ATRNL1: variants seen among roughly 807,000 people sequenced by gnomAD.
The protein encoded by ATRNL1 is attractin-like protein 1.
A neutral mutation model predicts 182.7 loss-of-function variants in ATRNL1; 95 were observed. The observed-to-expected ratio is 0.52, with a 90% CI of 0.44 to 0.62. The LOEUF (loss-of-function observed/expected upper bound fraction) is 0.62, where lower values mean the gene tolerates loss of function less well. Among genes scored for constraint, ATRNL1 ranks in the 20% least tolerant of loss-of-function variants. The probability of loss-of-function intolerance (pLI) is 0.00; values close to 1 mark genes in which losing one functional copy is unlikely to be tolerated. For synonymous variants in ATRNL1, 576 were observed against 568.3 expected, an observed-to-expected ratio of 1.01 and a Z score of -0.19; for missense variants, 1,471 against 1,679.5, an observed-to-expected ratio of 0.88 and a Z score of 2.17.
chr10:115,327,721 G>A (rs535771738), intron 18 of ATRNL1, among the ~76,000 whole-genome samples: 53 of 151,314 alleles, frequency 3.5e-4, no homozygotes, highest in African/African-American at 1.2e-3. Flanking sequence ...ATTAAGAAAT[G>A]TGGCACATAT....
At position 115,447,166 on chromosome 10, in the gene ATRNL1, G is replaced by GTATATA. The variant is rs553489981; in HGVS notation, c.3323-14772_3323-14767dup. 1.6e-4 allele frequency among the ~76,000 whole-genome samples: 24 copies of GTATATA among 151,602 alleles called. 1 individual carries two copies. In the South Asian group the frequency reaches 5.0e-3, roughly 31 times the overall value. On this transcript the variant is annotated intron_variant, in intron 21 of 28. Transcript: ENST00000355044. ...AATTTAAAATGTGTTAAAAAGTATAGTATATATACTTCTATTCATGTAGTA... is the reference window on the plus strand; with the variant it reads ...AATTTAAAATGTGTTAAAAAGTATAGTATATATATATATACTTCTATTCATGTAGTA...
chr10:115,401,154 T>C (rs1265072795), intron 20 of ATRNL1, among the ~76,000 whole-genome samples: 2 of 152,054 alleles, frequency 1.3e-5, no homozygotes, highest in Non-Finnish European at 2.9e-5. Flanking sequence ...TGGGGAGTGC[T>C]ACTGGCATAA....
intron 27 of ATRNL1, among the ~76,000 whole-genome samples, chr10:115,804,490 G>A (rs537336045): frequency 5.9e-5 from 9 of 152,104 alleles, no homozygotes; most frequent in Non-Finnish European, 1.3e-4. Flanking sequence ...CCACGTGAGG[G>A]TACAATGAGA....
At chr10:115,304,665 C>T (rs999002303) in intron 17 of ATRNL1, among the ~76,000 whole-genome samples, 4 of 152,124 alleles carry the variant, frequency 2.6e-5, no homozygotes, top group African/African-American at 9.7e-5. Flanking sequence ...TTTGACCAGG[C>T]TTTCATTCAG....
At position 115,864,521 on chromosome 10, in the gene ATRNL1, T is replaced by C. The variant is rs148636769; in HGVS notation, c.4018+16530T>C. Among the ~76,000 whole-genome samples, 59 of 152,266 alleles carry C rather than the reference T, an allele frequency of 3.9e-4. No homozygotes were observed. The East Asian group carries it at 0.011, about 29-fold the overall frequency. On this transcript the variant is annotated intron_variant, in intron 28 of 28. Transcript: ENST00000355044. ...TTATTGATTACAAAGGGGAAAGCAG[T>C]AAATTTGTAATAAAGAACCCTAGCA...
At chr10:115,645,464 A>G (rs1859545004) in intron 26 of ATRNL1, among the ~76,000 whole-genome samples, 1 of 147,560 alleles carries the variant, frequency 6.8e-6, no homozygotes, top group African/African-American at 2.5e-5. Context: ...ATATCTATAT[A>G]ATATATTTAT....
intron 27 of ATRNL1, among the ~76,000 whole-genome samples, chr10:115,739,693 G>A (rs1948081981): frequency 6.6e-6 from 1 of 152,124 alleles, no homozygotes; most frequent in South Asian, 2.1e-4. Context: ...CTCAGTAACA[G>A]CAATCAGCTA....
intron 26 of ATRNL1, among the ~76,000 whole-genome samples, chr10:115,552,673 T>C (rs1425580885): frequency 6.6e-6 from 1 of 151,314 alleles, no homozygotes; most frequent in Non-Finnish European, 1.5e-5. Context: ...AGAGGATAGT[T>C]AGTCATGTTA....
At chr10:115,269,746 G>C (rs1200386192) in intron 13 of ATRNL1, among the ~76,000 whole-genome samples, 1 of 151,962 alleles carries the variant, frequency 6.6e-6, no homozygotes, top group Non-Finnish European at 1.5e-5. Context: ...ATTACTGAAA[G>C]TATCTACTTG....
intron 28 of ATRNL1, among the ~76,000 whole-genome samples, chr10:115,894,459 T>A (rs947700525): frequency 1.8e-4 from 28 of 152,150 alleles, no homozygotes; most frequent in African/African-American, 4.8e-4. Context: ...AAGAGAATTT[T>A]TTTTTCTCTA....
At chr10:115,441,173 T>C (rs1270224656) in intron 21 of ATRNL1, among the ~76,000 whole-genome samples, 2 of 151,920 alleles carry the variant, frequency 1.3e-5, no homozygotes, top group African/African-American at 4.8e-5. Flanking sequence ...CATTTCTGCT[T>C]TATCAACAGT....
At chr10:115,269,179 CAT>C (rs1341947793) in intron 13 of ATRNL1, among the ~76,000 whole-genome samples, 48 of 151,850 alleles carry the variant, frequency 3.2e-4, no homozygotes, top group African/African-American at 8.0e-4. Context: ...AATAAAAAAA[CAT>C]AAAATATTTA....
chr10:115,474,846 T>G (rs1565082324), intron 24 of ATRNL1, among the ~76,000 whole-genome samples: 1 of 151,432 alleles, frequency 6.6e-6, no homozygotes, highest in Admixed American at 6.6e-5. Flanking sequence ...TACCCTGCTA[T>G]CAAAGTATGG....
At chr10:115,177,766 C>A (rs566224657) in intron 8 of ATRNL1, among the ~76,000 whole-genome samples, 24 of 151,460 alleles carry the variant, frequency 1.6e-4, no homozygotes, top group Non-Finnish European at 3.1e-4. Context: ...ACTGTGTCAT[C>A]CAGTGTGGCT....
At chr10:115,174,849 T>C (rs1286148401) in intron 8 of ATRNL1, among the ~76,000 whole-genome samples, 2 of 151,958 alleles carry the variant, frequency 1.3e-5, no homozygotes, top group Non-Finnish European at 2.9e-5. Flanking sequence ...AATTAAAATT[T>C]GGCATATAGT....
At chr10:115,765,012 T>C (rs1231069721) in intron 27 of ATRNL1, among the ~76,000 whole-genome samples, 2 of 152,188 alleles carry the variant, frequency 1.3e-5, no homozygotes, top group Non-Finnish European at 1.5e-5. Flanking sequence ...CTAATTTCTT[T>C]TTTAGAGCTA....
chr10:115,537,471 C>T (rs2133773314), intron 25 of ATRNL1, among the ~76,000 whole-genome samples: 1 of 152,142 alleles, frequency 6.6e-6, no homozygotes, highest in East Asian at 1.9e-4. Context: ...TCCTTAATGA[C>T]CTACATGAAC....
intron 21 of ATRNL1, among the ~76,000 whole-genome samples, chr10:115,448,770 A>G (rs1187895421): frequency 6.6e-6 from 1 of 152,126 alleles, no homozygotes; most frequent in Non-Finnish European, 1.5e-5. Flanking sequence ...TTAATAAGAT[A>G]TGTTGCAAGC....
intron 27 of ATRNL1, among the ~76,000 whole-genome samples, chr10:115,757,795 A>G (rs2134136261): frequency 6.6e-6 from 1 of 152,102 alleles, no homozygotes; most frequent in African/African-American, 2.4e-5. Flanking sequence ...GTCAGGTACA[A>G]CAGTCAAATG....
Sources: gnomAD v4.1 joint callset for allele counts (sites outside exome capture counted in the v4.1 genomes callset) on GRCh38, gnomAD v4.1.1 for gene constraint, MANE v1.5 for transcripts, NCBI Gene and HGNC (gene_info 2026-07-23, HGNC 2026-07-21) for gene names.